Variants in NRF1 observed in about 807,000 individuals in gnomAD.
The protein encoded by NRF1 is nuclear respiratory factor 1, also known as alpha palindromic-binding protein.
In NRF1, 5 loss-of-function variants were observed where a neutral mutation model predicts 58.5. The observed-to-expected ratio is 0.09, with a 90% CI of 0.04 to 0.18. The LOEUF (loss-of-function observed/expected upper bound fraction) is 0.18, where lower values mean the gene tolerates loss of function less well. Among genes scored for constraint, NRF1 ranks in the 10% least tolerant of loss-of-function variants. The pLI is 1.00. For missense variants in NRF1, 288 were observed against 657.7 expected, an observed-to-expected ratio of 0.44 and a Z score of 6.15; for synonymous variants, 224 against 246.7, an observed-to-expected ratio of 0.91 and a Z score of 0.86.
chr7:129,627,368 T>G (rs1451065185), intron 1 of NRF1, among the ~76,000 whole-genome samples: 1 of 152,024 alleles, frequency 6.6e-6, no homozygotes, highest in Admixed American at 6.6e-5. Context: ...CCTGTCATCA[T>G]GCTTGGCCAT....
chr7:129,660,214 A>G (rs894092173), intron 2 of NRF1, among the ~76,000 whole-genome samples: 2 of 152,060 alleles, frequency 1.3e-5, no homozygotes, highest in Admixed American at 6.5e-5. Context: ...CCTTCCCACA[A>G]CATGTGGGAA....
At chr7:129,658,709 T>C (rs919835022) in intron 2 of NRF1, among the ~76,000 whole-genome samples, 1 of 152,220 alleles carries the variant, frequency 6.6e-6, no homozygotes, top group African/African-American at 2.4e-5. Context: ...CCATCCTATA[T>C]GCTATTGTTG....
intron 1 of NRF1, 86 bp from the exon 2 acceptor site, chr7:129,657,260 G>GAATAAAT: frequency 1.0e-6 from 1 of 998,910 alleles, no homozygotes; most frequent in Non-Finnish European, 1.5e-6. Context: ...AGGTTCCTCT[G>GAATAAAT]CTCTTGAATA....
At chr7:129,649,263 A>G (rs556037345) in intron 1 of NRF1, among the ~76,000 whole-genome samples, 18 of 152,262 alleles carry the variant, frequency 1.2e-4, no homozygotes, top group African/African-American at 4.3e-4. Context: ...TGCAGTTTAT[A>G]TTCTGGATAT....
rs989220097 is a variant in NRF1, at chr7:129,754,738, CTTGAT to C, written c.1349-274_1349-270del. Among the ~76,000 whole-genome samples the C allele has an allele frequency of 3.3e-5, 5 of 152,076 alleles. No homozygotes were observed. In the East Asian group the frequency reaches 7.7e-4, roughly 23 times the overall value. ...TTAAAGAGATTAATATGGTAATTTT[CTTGAT>C]TTGATCATTCTACAGTGTATACATG... On this transcript the variant is annotated intron_variant, in intron 10 of 10. Coordinates refer to ENST00000393232, the MANE Select transcript of NRF1 (RefSeq NM_005011.5).
intron 1 of NRF1, among the ~76,000 whole-genome samples, chr7:129,656,816 A>T (rs1328996140): frequency 6.6e-6 from 1 of 152,104 alleles, no homozygotes; most frequent in Non-Finnish European, 1.5e-5. Flanking sequence ...ACCTCAGATG[A>T]TCCACCTGCC....
chr7:129,663,427 G>A (rs1584619316), intron 2 of NRF1, among the ~76,000 whole-genome samples: 1 of 147,984 alleles, frequency 6.8e-6, no homozygotes, highest in South Asian at 2.2e-4. Flanking sequence ...TGGCGGCCGG[G>A]CAGAGGCGCT....
At chr7:129,634,059 T>TAC (rs1358874411) in intron 1 of NRF1, among the ~76,000 whole-genome samples, 53 of 124,850 alleles carry the variant, frequency 4.2e-4, no homozygotes, top group African/African-American at 8.1e-4. Flanking sequence ...TATATATATA[T>TAC]ATACACACAC....
intron 10 of NRF1, chr7:129,735,048 C>T (rs1426513458): frequency 1.0e-6 from 1 of 985,314 alleles, no homozygotes; most frequent in Non-Finnish European, 1.2e-6. Context: ...CCCAGCTCCT[C>T]ACCGGGTCTT....
intron 2 of NRF1, among the ~76,000 whole-genome samples, chr7:129,662,861 G>A (rs1196592840): frequency 6.6e-6 from 1 of 151,358 alleles, no homozygotes. Flanking sequence ...AGATAAACAC[G>A]AGAACAAAGG....
At chr7:129,736,009 A>C (rs1803700976) in intron 10 of NRF1, among the ~76,000 whole-genome samples, 1 of 152,192 alleles carries the variant, frequency 6.6e-6, no homozygotes, top group South Asian at 2.1e-4. Flanking sequence ...TCTCAAAAAA[A>C]TAAATAAATA....
Position 129,621,494 on chromosome 7 carries a change from G to A in NRF1, c.-7+9670G>A, listed in dbSNP as rs572614956. Among the ~76,000 whole-genome samples the A allele has an allele frequency of 3.3e-4, 50 of 152,086 alleles. No homozygotes were observed. In the Middle Eastern group the frequency reaches 0.017, roughly 52 times the overall value. ...TCTTTTCCTTTGGGAACTTTTTTTGGTTCTTTCTTTCATTAAACAATTATG... is the reference window on the plus strand; with the variant it reads ...TCTTTTCCTTTGGGAACTTTTTTTGATTCTTTCTTTCATTAAACAATTATG... On this transcript the variant is annotated intron_variant, in intron 1 of 10. Transcript: ENST00000393232.
intron 5 of NRF1, among the ~76,000 whole-genome samples, chr7:129,697,965 C>T (rs924810224): frequency 2.6e-5 from 4 of 152,112 alleles, no homozygotes; most frequent in Admixed American, 6.5e-5. Flanking sequence ...CTGCTGAGCT[C>T]AGGCAATCTG....
chr7:129,672,333 C>T (rs189445461), intron 3 of NRF1, among the ~76,000 whole-genome samples: 1 of 151,846 alleles, frequency 6.6e-6, no homozygotes, highest in Admixed American at 6.6e-5. Context: ...TCACTTCACC[C>T]AGCCTAGGAG....
chr7:129,614,564 A>AG (rs1460607171), intron 1 of NRF1, among the ~76,000 whole-genome samples: 9 of 150,444 alleles, frequency 6.0e-5, no homozygotes, highest in African/African-American at 2.0e-4. Context: ...GAATGCACCC[A>AG]CCTCAGCCTC....
Position 129,717,318 on chromosome 7 carries a change from G to T in NRF1, c.1165G>T (p.Ala389Ser), listed in dbSNP as rs1562981356. The change falls in exon 9 of 11, where the codon GCA becomes TCA. Residue 389 changes from alanine (A) to serine (S), a missense_variant. Physicochemically the swap from Ala to Ser is moderately conservative, Grantham distance 99. This residue lies in a region of NRF1 where 212 missense variants were observed against 559.7 expected (regional missense o/e 0.38). Transcript: ENST00000393232. ...TQAVASLAEA[A>S]VAASQEMQQG... The stretch of plus-strand genomic sequence containing the variant: ...GGCGGTGGCATCGTTGGCAGAGGCC[G>T]CAGTGGCAGCTTCTCAGGAGATGCA... 1.2e-6 allele frequency: 2 copies of T among 1,613,824 alleles called. No homozygotes were observed. The highest frequency in any genetic ancestry group is 1.1e-5 in the South Asian group (1 of 91,038).
chr7:129,629,273 C>G (rs908738201), intron 1 of NRF1, among the ~76,000 whole-genome samples: 1 of 149,794 alleles, frequency 6.7e-6, no homozygotes, highest in African/African-American at 2.4e-5. Context: ...ACATAGCACA[C>G]ACGCTTTTTT....
At chr7:129,678,451 A>G (rs1802233957) in intron 4 of NRF1, among the ~76,000 whole-genome samples, 1 of 152,186 alleles carries the variant, frequency 6.6e-6, no homozygotes, top group Non-Finnish European at 1.5e-5. Flanking sequence ...TATTGAATAT[A>G]GGCATTTTTT....
At chr7:129,621,752 C>CT (rs1223583096) in intron 1 of NRF1, among the ~76,000 whole-genome samples, 1 of 146,154 alleles carries the variant, frequency 6.8e-6, no homozygotes, top group East Asian at 2.0e-4. Flanking sequence ...ATTTTTGGCT[C>CT]TATTATTTTA....
Sources: gnomAD v4.1 joint callset for allele counts (sites outside exome capture counted in the v4.1 genomes callset) on GRCh38, gnomAD v4.1.1 for gene constraint, gnomAD v4.1.1 regional missense constraint, MANE v1.5 for transcripts, NCBI Gene and HGNC (gene_info 2026-07-23, HGNC 2026-07-21) for gene names.